The following FYN variants were observed in gnomAD, a reference collection of about 807,000 sequenced individuals.
FYN encodes the protein tyrosine-protein kinase Fyn.
In FYN, 10 loss-of-function variants were observed where a neutral mutation model predicts 70.2. The ratio of observed to expected loss-of-function variants is 0.14; its 90% CI spans 0.09 to 0.24. FYN has a LOEUF of 0.24. Among genes scored for constraint, FYN ranks in the 10% least tolerant of loss-of-function variants. The pLI is 1.00. For missense variants in FYN, 319 were observed against 673.1 expected, an observed-to-expected ratio of 0.47 and a Z score of 5.82; for synonymous variants, 236 against 248.6, an observed-to-expected ratio of 0.95 and a Z score of 0.48.
chr6:111,817,623 T>G (rs1247284340), intron 2 of FYN, among the ~76,000 whole-genome samples: 1 of 152,144 alleles, frequency 6.6e-6, no homozygotes, highest in African/African-American at 2.4e-5. Flanking sequence ...CCAAGGATGC[T>G]CTCCTGGACT....
At position 111,723,473 on chromosome 6, in the gene FYN, A is replaced by G. The variant is rs1301939062; in HGVS notation, c.-11-3411T>C. Among the ~76,000 whole-genome samples the G allele has an allele frequency of 8.5e-5, 13 of 152,366 alleles. No homozygotes were observed. In the East Asian group the frequency reaches 1.9e-3, roughly 23 times the overall value. On this transcript the variant is annotated intron_variant, in intron 3 of 13. Transcript: ENST00000354650. ...CGCATTTGACATTCTGAGTTAAGTA[A>G]TGTTTCTATACAGATCTTGCTTACT...
intron 3 of FYN, among the ~76,000 whole-genome samples, chr6:111,757,299 G>A (rs917753330): frequency 2.0e-5 from 3 of 152,072 alleles, no homozygotes; most frequent in Admixed American, 6.5e-5. Context: ...GATAAGCACA[G>A]GATAATAAAA....
intron 12 of FYN, among the ~76,000 whole-genome samples, chr6:111,682,814 T>C (rs1424786915): frequency 6.6e-6 from 1 of 152,230 alleles, no homozygotes; most frequent in Non-Finnish European, 1.5e-5. Flanking sequence ...CTGGGGATGA[T>C]AACCTCCTAA....
chr6:111,767,731 C>G (rs1413025591), intron 3 of FYN, among the ~76,000 whole-genome samples: 1 of 152,168 alleles, frequency 6.6e-6, no homozygotes, highest in Non-Finnish European at 1.5e-5. Flanking sequence ...TACGTGTGTA[C>G]TCTAAGATAC....
chr6:111,696,519 AC>A, intron 9 of FYN, 63 bp from the exon 10 acceptor site: 1 of 1,321,052 alleles, frequency 7.6e-7, no homozygotes, highest in Non-Finnish European at 1.0e-6. Flanking sequence ...AAAGGTTTTG[AC>A]CACCAGCTAT....
chr6:111,867,634 A>G (rs1037933089), intron 1 of FYN, among the ~76,000 whole-genome samples: 1 of 151,654 alleles, frequency 6.6e-6, no homozygotes, highest in Non-Finnish European at 1.5e-5. Flanking sequence ...CTAATTTCCC[A>G]GAGAAATTCT....
intron 2 of FYN, among the ~76,000 whole-genome samples, chr6:111,835,642 A>G (rs1053716035): frequency 3.3e-5 from 5 of 152,030 alleles, no homozygotes; most frequent in African/African-American, 1.2e-4. Context: ...TTTTTTTTAG[A>G]TAAGGTGGGC....
intron 2 of FYN, 143 bp from the exon 3 acceptor site, chr6:111,780,778 C>T (rs953866265): frequency 2.6e-5 from 4 of 152,248 alleles, no homozygotes; most frequent in Non-Finnish European, 5.9e-5. Context: ...CTACCAGTTT[C>T]CTCTGTTTTT....
intron 3 of FYN, among the ~76,000 whole-genome samples, chr6:111,720,997 C>T (rs1800908842): frequency 1.3e-5 from 2 of 152,178 alleles, no homozygotes; most frequent in Admixed American, 1.3e-4. Flanking sequence ...CTCGGCTCTC[C>T]TATTCAAACA....
At chr6:111,679,231 A>G (rs1157038263) in intron 12 of FYN, among the ~76,000 whole-genome samples, 1 of 152,240 alleles carries the variant, frequency 6.6e-6, no homozygotes, top group Non-Finnish European at 1.5e-5. Context: ...GCTCCTAGCC[A>G]AAGTGTTACT....
chr6:111,787,589 T>C (rs1771448034), intron 2 of FYN, among the ~76,000 whole-genome samples: 1 of 152,252 alleles, frequency 6.6e-6, no homozygotes, highest in Non-Finnish European at 1.5e-5. Flanking sequence ...CAACGGTCTT[T>C]CAGTACAACC....
At chr6:111,791,147 C>T (rs75517466) in intron 2 of FYN, among the ~76,000 whole-genome samples, 1 of 152,036 alleles carries the variant, frequency 6.6e-6, no homozygotes, top group Admixed American at 6.6e-5. Context: ...ACTTATTCTA[C>T]CAGATACAAA....
intron 12 of FYN, among the ~76,000 whole-genome samples, chr6:111,689,385 C>T (rs1049770541): frequency 3.3e-5 from 5 of 152,158 alleles, no homozygotes; most frequent in African/African-American, 1.2e-4. Context: ...AAAAATATGT[C>T]CACAAAATCT....
At chr6:111,682,319 G>A (rs1450401975) in intron 12 of FYN, among the ~76,000 whole-genome samples, 1 of 152,118 alleles carries the variant, frequency 6.6e-6, no homozygotes. Context: ...CGGTTTTTCA[G>A]TGCCAACAGG....
chr6:111,858,895 A>G (rs905862576), intron 1 of FYN, among the ~76,000 whole-genome samples: 7 of 151,656 alleles, frequency 4.6e-5, no homozygotes, highest in Admixed American at 4.6e-4. Context: ...CCTAGAAGAT[A>G]CCATTTATAT....
chr6:111,718,572 T>C (rs986859137), intron 4 of FYN, among the ~76,000 whole-genome samples: 2 of 152,214 alleles, frequency 1.3e-5, no homozygotes, highest in African/African-American at 4.8e-5. Flanking sequence ...CAGTCTGGGC[T>C]GGCAAAGCCC....
chr6:111,721,257 A>C (rs1347233416), intron 3 of FYN, among the ~76,000 whole-genome samples: 1 of 152,152 alleles, frequency 6.6e-6, no homozygotes, highest in Non-Finnish European at 1.5e-5. Flanking sequence ...ATATTAAAAC[A>C]GGGCCTGTTT....
intron 2 of FYN, among the ~76,000 whole-genome samples, chr6:111,790,575 C>T (rs979514571): frequency 2.0e-5 from 3 of 152,156 alleles, no homozygotes; most frequent in Non-Finnish European, 2.9e-5. Context: ...GGTTCCCTAC[C>T]AAGGACCTGT....
chr6:111,692,109 C>CT (rs916788779), intron 12 of FYN, among the ~76,000 whole-genome samples: 1 of 144,130 alleles, frequency 6.9e-6, no homozygotes, highest in Non-Finnish European at 1.6e-5. Flanking sequence ...TTTCCCCCCC[C>CT]CCCAGTTCAG....
Sources: allele counts gnomAD v4.1 joint callset (sites outside exome capture counted in the v4.1 genomes callset), GRCh38; gene constraint gnomAD v4.1.1; transcripts MANE v1.5; gene names NCBI Gene and HGNC (gene_info 2026-07-23, HGNC 2026-07-21).